TTC7A: variants seen among roughly 807,000 people sequenced by gnomAD.
TTC7A encodes tetratricopeptide repeat protein 7A.
In TTC7A, 110 loss-of-function variants were observed where a neutral mutation model predicts 103.7. The ratio of observed to expected loss-of-function variants is 1.06; its 90% CI spans 0.91 to 1.24. The LOEUF is 1.24. Among genes scored for constraint, TTC7A ranks in the 50% most tolerant of loss-of-function variants. The pLI is 0.00. For synonymous variants in TTC7A, 521 were observed against 467.9 expected, an observed-to-expected ratio of 1.11 and a Z score of -1.47; for missense variants, 1,340 against 1,116.3, an observed-to-expected ratio of 1.20 and a Z score of -2.86.
intron 12 of TTC7A, among the ~76,000 whole-genome samples, 163 bp downstream of exon 12, chr2:47,022,142 T>TGCATACACACACGC: frequency 6.6e-6 from 1 of 152,162 alleles, no homozygotes; most frequent in Non-Finnish European, 1.5e-5. Context: ...CATACACACG[T>TGCATACACACACGC]GCATACACAC....
intron 2 of TTC7A, among the ~76,000 whole-genome samples, chr2:46,935,327 A>G (rs1301574224): frequency 6.6e-6 from 1 of 152,190 alleles, no homozygotes; most frequent in Non-Finnish European, 1.5e-5. Flanking sequence ...ATACTGTTGT[A>G]TCATGATCCT....
intron 1 of TTC7A, among the ~76,000 whole-genome samples, chr2:46,942,781 T>C (rs763749440): frequency 9.9e-5 from 15 of 152,182 alleles, no homozygotes; most frequent in Non-Finnish European, 1.8e-4. Context: ...CTCTCAAAGA[T>C]GTACAGCACA....
At chr2:47,070,783 CTG>C (rs1181034189) in intron 19 of TTC7A, among the ~76,000 whole-genome samples, 4 of 152,194 alleles carry the variant, frequency 2.6e-5, no homozygotes, top group Non-Finnish European at 5.9e-5. Flanking sequence ...GGAATCATGT[CTG>C]TGGCTATAAC....
intron 3 of TTC7A, among the ~76,000 whole-genome samples, chr2:46,962,314 A>C (rs1471364846): frequency 6.6e-6 from 1 of 152,138 alleles, no homozygotes; most frequent in East Asian, 1.9e-4. Context: ...TTCAGCCTGC[A>C]ACATCGTCTC....
intron 15 of TTC7A, among the ~76,000 whole-genome samples, chr2:47,042,807 G>A (rs1005345864): frequency 3.3e-5 from 5 of 152,226 alleles, no homozygotes; most frequent in South Asian, 2.1e-4. Context: ...GGCTGGAGCC[G>A]TGGGATTGAA....
intron 5 of TTC7A, among the ~76,000 whole-genome samples, chr2:46,989,473 G>A (rs1167761409): frequency 6.6e-6 from 1 of 152,218 alleles, no homozygotes; most frequent in East Asian, 1.9e-4. Context: ...TCAGGCTCAT[G>A]GCCATCTGCA....
At chr2:46,979,602 T>A (rs748825538) in intron 5 of TTC7A, among the ~76,000 whole-genome samples, 38 of 152,066 alleles carry the variant, frequency 2.5e-4, no homozygotes, top group Admixed American at 4.6e-4. Context: ...AGGGGGTGGC[T>A]GGTGTTAGGC....
chr2:46,937,076 G>A (rs1245313576), upstream of TTC7A, among the ~76,000 whole-genome samples: 1 of 151,830 alleles, frequency 6.6e-6, no homozygotes, highest in Non-Finnish European at 1.5e-5. The surrounding 1 kb of genome is among the most constrained non-coding windows in gnomAD (Gnocchi z 4.0). Context: ...GGCTCGTCTC[G>A]AACTCCTGAG....
intron 2 of TTC7A, among the ~76,000 whole-genome samples, chr2:46,955,620 A>T (rs1433942074): frequency 2.0e-5 from 3 of 152,314 alleles, no homozygotes; most frequent in South Asian, 2.1e-4. Flanking sequence ...ATGTGGATTT[A>T]CAAAGGCCAG....
chr2:46,974,634 G>A (rs539282683), intron 3 of TTC7A: 65 of 460,180 alleles, frequency 1.4e-4, no homozygotes, highest in African/African-American at 1.2e-3. Context: ...GGAGGAAAGA[G>A]GAAAGAAAAA....
In TTC7A at chr2:47,073,893, G is replaced by T. The variant is rs770156094; in HGVS notation, c.2547G>T (p.Leu849=). ...ALELEASSPV[L]PFSIIPREL ...AGCTGGAGGCCAGCAGCCCTGTACT[G>T]CCCTTCTCCATCATCCCCAGAGAGC... The change falls in exon 20 of 20, where the codon CTG becomes CTT. Residue 849 remains leucine (L), a synonymous_variant. Transcript: ENST00000319190. 4 of 1,613,024 alleles carry T rather than the reference G, an allele frequency of 2.5e-6. No individual in the cohort carries two copies. The highest frequency in any genetic ancestry group is 3.4e-6 in the Non-Finnish European group (4 of 1,179,950).
chr2:47,071,602 T>C, intron 19 of TTC7A, among the ~76,000 whole-genome samples: 1 of 152,190 alleles, frequency 6.6e-6, no homozygotes, highest in South Asian at 2.1e-4. Context: ...AAGTTGGCCA[T>C]TTGCCCGTGG....
In TTC7A at chr2:47,063,119, C is replaced by T. The variant is rs183151440; in HGVS notation, c.2355+2148C>T. Among the ~76,000 whole-genome samples the T allele has an allele frequency of 2.4e-3, 371 of 152,364 alleles. 1 individual carries two copies. Among genetic ancestry groups the T allele is most frequent in the African/African-American group, 8.3e-3 (345 of 41,584 alleles). On this transcript the variant is annotated intron_variant, in intron 19 of 19. Coordinates refer to ENST00000319190, the MANE Select transcript of TTC7A (RefSeq NM_020458.4). ...GTGTTCACAGATCTAAGTGTCTTCC[C>T]TGTGCTGGCCTGAGGCTCAGGACAT...
rs1336953696 is a variant in TTC7A, at chr2:47,007,562, C to G, written c.1287+838C>G. Among the ~76,000 whole-genome samples, 1 of 152,142 alleles carries G rather than the reference C, an allele frequency of 6.6e-6. No homozygotes were observed. Among genetic ancestry groups the G allele is most frequent in the Non-Finnish European group, 1.5e-5 (1 of 68,020 alleles). ...CCCCCTGGCCCATCTGTGCCACGTT[C>G]CATTTCTGGCCCCGCAGCCGTCTCT... On this transcript the variant is annotated intron_variant, in intron 10 of 19. Transcript: ENST00000319190. This position sits in a 1 kb window ranked among gnomAD's most constrained non-coding sequence, Gnocchi z 4.9.
chr2:47,042,712 G>A (rs551433243), intron 15 of TTC7A, among the ~76,000 whole-genome samples: 91 of 139,268 alleles, frequency 6.5e-4, no homozygotes, highest in Non-Finnish European at 1.0e-3. Flanking sequence ...GTATATATAT[G>A]TATAAAGTAA....
intron 2 of TTC7A, among the ~76,000 whole-genome samples, chr2:46,927,444 C>T (rs1669448471): frequency 6.6e-6 from 1 of 150,764 alleles, no homozygotes; most frequent in Non-Finnish European, 1.5e-5. Context: ...GCAGGCTCCA[C>T]CTCCCGGGTT....
intron 18 of TTC7A, among the ~76,000 whole-genome samples, chr2:47,056,163 C>T (rs1573050793): frequency 6.6e-6 from 1 of 152,190 alleles, no homozygotes; most frequent in African/African-American, 2.4e-5. Context: ...TTGGCCTGGG[C>T]GTTCTCCATT....
chr2:47,003,200 C>T (rs1195753455), intron 8 of TTC7A, among the ~76,000 whole-genome samples: 1 of 150,836 alleles, frequency 6.6e-6, no homozygotes, highest in Non-Finnish European at 1.5e-5. Context: ...CAGGTTGAGT[C>T]AAGTTCTGTG....
chr2:46,950,326 C>A (rs201116834), intron 1 of TTC7A, 37 bp from the exon 2 acceptor site: 1 of 1,610,646 alleles, frequency 6.2e-7, no homozygotes, highest in Non-Finnish European at 8.5e-7. Flanking sequence ...CCGCCTTGTT[C>A]GGGGTTTGCT....
Sources: allele counts gnomAD v4.1 joint callset (sites outside exome capture counted in the v4.1 genomes callset), GRCh38; gene constraint gnomAD v4.1.1; non-coding constraint Gnocchi (gnomAD v3.1); transcripts MANE v1.5; gene names NCBI Gene and HGNC (gene_info 2026-07-23, HGNC 2026-07-21).